Variants in CASP8 observed in about 807,000 individuals in gnomAD.
CASP8 encodes caspase 8, also known as caspase-8.
CASP8 carries 24 observed loss-of-function variants against 46.3 expected under a neutral mutation model. The observed-to-expected ratio is 0.52, with a 90% confidence interval of 0.38 to 0.73. The LOEUF (loss-of-function observed/expected upper bound fraction) is 0.73, where lower values mean the gene tolerates loss of function less well. Among genes scored for constraint, CASP8 ranks in the 30% least tolerant of loss-of-function variants. CASP8 has a pLI of 0.00. For synonymous variants in CASP8, 188 were observed against 200.4 expected (o/e 0.94, Z 0.52); for missense variants, 460 against 559.0 (o/e 0.82, Z 1.79).
Position 201,272,576 on chromosome 2 carries a change from A to C in CASP8, c.412-62A>C. ...GAGAAATTGGAAATTAAAAAAAAAA[A>C]TCTAATCTAAAAACCAGTAGGGCTC... On this transcript the variant is annotated intron_variant, in intron 3 of 8. Coordinates refer to ENST00000673742, the MANE Select transcript of CASP8 (RefSeq NM_001372051.1). This position sits in a 1 kb window ranked among gnomAD's most constrained non-coding sequence, Gnocchi z 4.4. 1 of 1,581,718 alleles carries C rather than the reference A, an allele frequency of 6.3e-7. No homozygotes were observed. The highest frequency in any genetic ancestry group is 8.7e-7 in the Non-Finnish European group (1 of 1,155,802).
At chr2:201,268,442 T>C (rs1195015304) in intron 2 of CASP8, among the ~76,000 whole-genome samples, 3 of 151,996 alleles carry the variant, frequency 2.0e-5, no homozygotes, top group Non-Finnish European at 2.9e-5. Context: ...TCCCAGCTAC[T>C]TGGGAGGCTG....
chr2:201,245,768 A>G (rs1182814187), intron 2 of CASP8, among the ~76,000 whole-genome samples: 1 of 151,990 alleles, frequency 6.6e-6, no homozygotes, highest in South Asian at 2.1e-4. Context: ...AATCATGGGC[A>G]TGTATCTCCC....
In CASP8 at chr2:201,276,948, A is replaced by G. The variant is rs570153139; in HGVS notation, c.782A>G (p.Asn261Ser). The G allele has an allele frequency of 1.2e-6, 2 of 1,613,704 alleles. No homozygotes were observed. Among genetic ancestry groups the G allele is most frequent in the Non-Finnish European group, 1.7e-6 (2 of 1,179,546 alleles). The change falls in exon 7 of 9, where the codon AAT becomes AGT. Residue 261 changes from asparagine (N) to serine (S), a missense_variant. Coordinates refer to ENST00000673742, the MANE Select transcript of CASP8 (RefSeq NM_001372051.1). ...AAACTTCACAGCATTAGGGACAGGA[A>G]TGGAACACACTTGGATGCAGGTACA... ...VPKLHSIRDR[N>S]GTHLDAGALT...
chr2:201,251,900 G>A (rs927468078), intron 2 of CASP8, among the ~76,000 whole-genome samples: 4 of 150,734 alleles, frequency 2.7e-5, no homozygotes, highest in Admixed American at 6.6e-5. Flanking sequence ...GTGAGACTCC[G>A]TCTAAAAAAA....
chr2:201,276,109 G>A (rs889030822), intron 6 of CASP8, among the ~76,000 whole-genome samples: 3 of 152,080 alleles, frequency 2.0e-5, no homozygotes, highest in Non-Finnish European at 2.9e-5. Context: ...AAGGGGCTAC[G>A]CAGACCTCCA....
chr2:201,259,564 G>T (rs377723195), upstream of CASP8, among the ~76,000 whole-genome samples: 1 of 152,154 alleles, frequency 6.6e-6, no homozygotes, highest in Admixed American at 6.5e-5. Context: ...TCAGCTATGA[G>T]TCCCTACCCT....
At chr2:201,283,050 C>T (rs1205489738) in intron 7 of CASP8, among the ~76,000 whole-genome samples, 62 of 67,488 alleles carry the variant, frequency 9.2e-4, no homozygotes, top group African/African-American at 2.3e-3. Flanking sequence ...GGGGGCTGAC[C>T]CCCCCTCCCC....
upstream of CASP8, among the ~76,000 whole-genome samples, chr2:201,259,102 C>T (rs1026848788): frequency 1.2e-4 from 18 of 152,138 alleles, no homozygotes. Flanking sequence ...ACTTACTACA[C>T]GAGTTAGCAA....
chr2:201,275,012 T>C (rs1486530529), intron 6 of CASP8, 59 bp downstream of exon 6: 2 of 1,287,966 alleles, frequency 1.6e-6, no homozygotes, highest in Non-Finnish European at 2.2e-6. Flanking sequence ...ATTTAATTTG[T>C]TAGCTTTTTT....
At position 201,284,984 on chromosome 2, in the gene CASP8, A is replaced by T. The variant is rs1949486267; in HGVS notation, c.971A>T (p.Tyr324Phe). Residue 324 changes from tyrosine (Y) to phenylalanine (F), a missense_variant, in exon 8 of 9, where the codon TAT becomes TTT. Physicochemically the swap from Tyr to Phe is conservative, Grantham distance 22 (BLOSUM62 3). Coordinates refer to ENST00000673742, the MANE Select transcript of CASP8 (RefSeq NM_001372051.1). The part of the protein sequence containing the change: ...ILSHGDKGII[Y>F]GTDGQEAPIY... ...TCCCATGGAGACAAGGGCATCATCT[A>T]TGGCACTGATGGACAGGAGGCCCCC... The T allele has an allele frequency of 6.2e-7, 1 of 1,614,114 alleles. No individual in the cohort carries two copies. Among genetic ancestry groups the T allele is most frequent in the Non-Finnish European group, 8.5e-7 (1 of 1,179,998 alleles).
chr2:201,251,770 G>T (rs903684099), intron 2 of CASP8, among the ~76,000 whole-genome samples: 1 of 151,734 alleles, frequency 6.6e-6, no homozygotes, highest in Non-Finnish European at 1.5e-5. Context: ...GGGCGTGGTG[G>T]TCATGCCGGT....
intron 2 of CASP8, chr2:201,241,092 C>T (rs1946278944): frequency 1.3e-5 from 2 of 151,948 alleles, no homozygotes; most frequent in African/African-American, 4.8e-5. Context: ...GAAGAAAGAT[C>T]TCAAGTAAAT....
rs35569880 is a variant in CASP8, at chr2:201,271,788, C to G, written c.411+167C>G. Among the ~76,000 whole-genome samples, 284 of 152,260 alleles carry G rather than the reference C, an allele frequency of 1.9e-3. 1 individual carries two copies. The highest frequency in any genetic ancestry group is 6.2e-3 in the African/African-American group (257 of 41,512). ...GTGTTACAGATGTGATTCCTTTAGA[C>G]CGAAGTGCTGCTCATGTTAATTATT... is the stretch of plus-strand genomic sequence containing the variant. On this transcript the variant is annotated intron_variant, in intron 3 of 8. Coordinates refer to ENST00000673742, the MANE Select transcript of CASP8 (RefSeq NM_001372051.1).
intron 7 of CASP8, among the ~76,000 whole-genome samples, chr2:201,283,103 C>G (rs1949231655): frequency 1.4e-5 from 1 of 70,678 alleles, no homozygotes; most frequent in Admixed American, 1.1e-4. Flanking sequence ...GCTGACCCCC[C>G]CACCTCCCTC....
intron 7 of CASP8, among the ~76,000 whole-genome samples, chr2:201,283,764 C>T (rs1431908956): frequency 8.5e-4 from 51 of 60,086 alleles, no homozygotes; most frequent in Non-Finnish European, 1.8e-3. Context: ...TAGGGGCGGC[C>T]GGGCAGAGGA....
intron 3 of CASP8, among the ~76,000 whole-genome samples, 167 bp downstream of exon 3, chr2:201,271,788 C>A (rs35569880): frequency 6.6e-6 from 1 of 152,142 alleles, no homozygotes; most frequent in Non-Finnish European, 1.5e-5. Context: ...TTCCTTTAGA[C>A]CGAAGTGCTG....
chr2:201,247,081 T>C (rs1407722397), intron 2 of CASP8, among the ~76,000 whole-genome samples: 2 of 148,730 alleles, frequency 1.3e-5, no homozygotes, highest in Non-Finnish European at 3.0e-5. Flanking sequence ...TGTATTCTGC[T>C]AGGGAGCTGA....
intron 2 of CASP8, chr2:201,241,691 A>C (rs1352775216): frequency 6.6e-6 from 1 of 152,252 alleles, no homozygotes; most frequent in African/African-American, 2.4e-5. Context: ...ACACTTCCAA[A>C]TTTATTTTAT....
At chr2:201,236,458 G>A (rs1241071499) in intron 2 of CASP8, among the ~76,000 whole-genome samples, 3 of 152,124 alleles carry the variant, frequency 2.0e-5, no homozygotes, top group Non-Finnish European at 4.4e-5. Flanking sequence ...ACTCCCCAGG[G>A]GGAGAGTTAT....
Sources: gnomAD v4.1 joint callset for allele counts (sites outside exome capture counted in the v4.1 genomes callset) on GRCh38, gnomAD v4.1.1 for gene constraint, Gnocchi (gnomAD v3.1) non-coding constraint, MANE v1.5 for transcripts, NCBI Gene and HGNC (gene_info 2026-07-23, HGNC 2026-07-21) for gene names.